Variants in NCS1 observed in about 807,000 individuals in gnomAD.
The protein encoded by NCS1 is neuronal calcium sensor 1.
A neutral mutation model predicts 28.4 loss-of-function variants in NCS1; 6 were observed. That is an observed-to-expected ratio of 0.21 (90% CI 0.12 to 0.42). The LOEUF (loss-of-function observed/expected upper bound fraction) is 0.42. Among genes scored for constraint, NCS1 ranks in the 10% least tolerant of loss-of-function variants. The pLI is 1.00. For synonymous variants in NCS1, 86 were observed against 99.3 expected (o/e 0.87, Z 0.79); for missense variants, 131 against 241.4 (o/e 0.54, Z 3.03).
intron 1 of NCS1, among the ~76,000 whole-genome samples, chr9:130,194,761 T>C (rs781956823): frequency 6.6e-6 from 1 of 152,072 alleles, no homozygotes; most frequent in Non-Finnish European, 1.5e-5. Context: ...TTTTAAATCC[T>C]GGTTTTGGTA....
At chr9:130,198,949 C>G (rs1282684773) in intron 1 of NCS1, among the ~76,000 whole-genome samples, 1 of 152,184 alleles carries the variant, frequency 6.6e-6, no homozygotes, top group African/African-American at 2.4e-5. Context: ...GACACCTTCC[C>G]TCTCCACCCC....
chr9:130,200,084 C>T (rs76721543), intron 1 of NCS1, among the ~76,000 whole-genome samples: 1 of 152,226 alleles, frequency 6.6e-6, no homozygotes, highest in African/African-American at 2.4e-5. Context: ...TGAGTGAGTC[C>T]CCACAACAGG....
rs12238545 is a variant in NCS1, at chr9:130,198,316, G to A, written c.65-2642G>A. Reference sequence around the variant, plus strand: ...TGGGGGAAGGCTGCTGGGAGACATGGGTGGGGGGTGTCAAGGGAGAGTGGG... The same window carrying A: ...TGGGGGAAGGCTGCTGGGAGACATGAGTGGGGGGTGTCAAGGGAGAGTGGG... On this transcript the variant is annotated intron_variant, in intron 1 of 7. Coordinates refer to ENST00000372398, the MANE Select transcript of NCS1 (RefSeq NM_014286.4). Among the ~76,000 whole-genome samples, 237 of 152,294 alleles carry A rather than the reference G, an allele frequency of 1.6e-3. 5 individuals are homozygous for A. In the East Asian group the frequency reaches 0.038, roughly 24 times the overall value.
intron 7 of NCS1, among the ~76,000 whole-genome samples, chr9:130,228,466 C>A (rs1203056097): frequency 6.6e-6 from 1 of 151,978 alleles, no homozygotes; most frequent in Non-Finnish European, 1.5e-5. Flanking sequence ...TCAAGTGATC[C>A]TCCTACCTCG....
In NCS1 at chr9:130,219,894, C is replaced by T. The variant is rs1255151637; in HGVS notation, c.307+91C>T. 7.6e-7 allele frequency: 1 copy of T among 1,319,422 alleles called. No homozygotes were observed. The highest frequency in any genetic ancestry group is 1.4e-5 in the African/African-American group (1 of 69,156). 81.7% of individuals were successfully genotyped at this position (1,319,422 alleles called of 1,614,324 possible). On this transcript the variant is annotated intron_variant, in intron 4 of 7. Coordinates refer to ENST00000372398, the MANE Select transcript of NCS1 (RefSeq NM_014286.4). This position sits in a 1 kb window ranked among gnomAD's most constrained non-coding sequence, Gnocchi z 5.7. ...CTCGGCCCTCACCAGGCAGGGGTGC[C>T]AGACACCCACTGCAGTGACCACAGA...
intron 1 of NCS1, among the ~76,000 whole-genome samples, chr9:130,174,214 G>C (rs1832530854): frequency 6.6e-6 from 1 of 152,222 alleles, no homozygotes; most frequent in Non-Finnish European, 1.5e-5. Flanking sequence ...GGGGGAGGGT[G>C]AGGACACCGT....
intron 1 of NCS1, among the ~76,000 whole-genome samples, chr9:130,176,427 C>G (rs1832572861): frequency 1.3e-5 from 2 of 152,188 alleles, no homozygotes; most frequent in African/African-American, 4.8e-5. Context: ...AACTCTTGGC[C>G]TCAAGCAATC....
In NCS1 at chr9:130,181,700, G is replaced by C. The variant is rs1386580597; in HGVS notation, c.64+8973G>C. ...GAGGTGCCAGGGAGCCGCCATGGAG[G>C]TGTGCAGGTGAGCGTGAGCGGGCCC... On this transcript the variant is annotated intron_variant, in intron 1 of 7. Transcript: ENST00000372398. The surrounding 1 kb of genome is among the most constrained non-coding windows in gnomAD (Gnocchi z 5.0). Among the ~76,000 whole-genome samples, 2 of 152,180 alleles carry C rather than the reference G, an allele frequency of 1.3e-5. No homozygotes were observed. The highest frequency in any genetic ancestry group is 2.9e-5 in the Non-Finnish European group (2 of 68,016).
intron 2 of NCS1, among the ~76,000 whole-genome samples, chr9:130,208,302 G>A (rs1223025802): frequency 6.6e-6 from 1 of 151,148 alleles, no homozygotes; most frequent in Non-Finnish European, 1.5e-5. Flanking sequence ...TTTTTTTTGA[G>A]ACAGTCTCGC....
chr9:130,213,958 G>A (rs1197220434), intron 2 of NCS1, among the ~76,000 whole-genome samples: 4 of 152,222 alleles, frequency 2.6e-5, no homozygotes, highest in Non-Finnish European at 5.9e-5. Context: ...GTTCCATGGG[G>A]CTCAGGAAGA....
chr9:130,226,675 G>C lies in NCS1; in HGVS notation c.*17+171G>C, dbSNP rs1021218951. 1.3e-5 allele frequency among the ~76,000 whole-genome samples: 2 copies of C among 152,126 alleles called. No homozygotes were observed. Among genetic ancestry groups the C allele is most frequent in the African/African-American group, 4.8e-5 (2 of 41,434 alleles). ...GGCTGGAAGGGGGGCCTTCAAATTG[G>C]TCAGAGCTCCTCTGTTTTGATCATT... On this transcript the variant is annotated intron_variant, in intron 7 of 7. Transcript: ENST00000372398. The surrounding 1 kb of genome is among the most constrained non-coding windows in gnomAD (Gnocchi z 4.8).
At position 130,175,724 on chromosome 9, in the gene NCS1, G is replaced by C. The variant is rs782551791; in HGVS notation, c.64+2997G>C. Among the ~76,000 whole-genome samples the C allele has an allele frequency of 6.6e-6, 1 of 152,234 alleles. No individual in the cohort carries two copies. Among genetic ancestry groups the C allele is most frequent in the Non-Finnish European group, 1.5e-5 (1 of 68,046 alleles). ...AGGAGTGTCTAAAGGCCCCAGCAGT[G>C]TGGCCCTCACTGGACACACTGGGAT... On this transcript the variant is annotated intron_variant, in intron 1 of 7. Transcript: ENST00000372398. This position sits in a 1 kb window ranked among gnomAD's most constrained non-coding sequence, Gnocchi z 4.9.
In NCS1 at chr9:130,223,613, C is replaced by T. The variant is rs1320232657; in HGVS notation, c.474+454C>T. 3.3e-5 allele frequency among the ~76,000 whole-genome samples: 5 copies of T among 152,192 alleles called. 1 individual carries two copies. Among genetic ancestry groups the T allele is most frequent in the South Asian group, 4.2e-4 (2 of 4,812 alleles). On this transcript the variant is annotated intron_variant, in intron 6 of 7. Transcript: ENST00000372398. ...ATGTAGTGGTGGGTCCAGCAACCCC[C>T]GAAATTGCGAGCTGTAATATCTGCA...
intron 4 of NCS1, among the ~76,000 whole-genome samples, chr9:130,221,451 G>GAGAGAGAGAGAGAGAGAGAA (rs1194707277): frequency 7.2e-6 from 1 of 138,120 alleles, no homozygotes; most frequent in African/African-American, 2.7e-5. Context: ...GAGAGAGAGA[G>GAGAGAGAGAGAGAGAGAGAA]AAAGAGAGAG....
chr9:130,206,763 G>A (rs7357753), intron 2 of NCS1, among the ~76,000 whole-genome samples: 3,345 of 152,074 alleles, frequency 0.022, 128 homozygotes, highest in African/African-American at 0.076. Flanking sequence ...GACTCCACCC[G>A]TGCCTGCCTC....
Position 130,174,429 on chromosome 9 carries a change from AG to A in NCS1, c.64+1706del, listed in dbSNP as rs554462855. 2.6e-3 allele frequency among the ~76,000 whole-genome samples: 402 copies of A among 152,288 alleles called. 4 individuals carry two copies. Among genetic ancestry groups the A allele is most frequent in the African/African-American group, 9.2e-3 (381 of 41,558 alleles). On this transcript the variant is annotated intron_variant, in intron 1 of 7. Transcript: ENST00000372398. ...TACAGATGGGGAAACTAAGGCTCAG[AG>A]GGGCAAAGTGGCATTCCCATGATCC...
chr9:130,200,591 G>T, intron 1 of NCS1: 2 of 1,551,776 alleles, frequency 1.3e-6, no homozygotes, highest in Non-Finnish European at 1.7e-6. Flanking sequence ...CCCGTCCCCA[G>T]GGATTGAGAG....
At chr9:130,176,621 C>T (rs1187779277) in intron 1 of NCS1, among the ~76,000 whole-genome samples, 1 of 152,236 alleles carries the variant, frequency 6.6e-6, no homozygotes, top group Non-Finnish European at 1.5e-5. Flanking sequence ...GCCTGGCACA[C>T]AGAAGGTGAC....
chr9:130,182,327 G>A (rs1554905209), intron 1 of NCS1, among the ~76,000 whole-genome samples: 1 of 152,182 alleles, frequency 6.6e-6, no homozygotes, highest in African/African-American at 2.4e-5. Flanking sequence ...GTCTCTGTGA[G>A]CCTCAAAACC....
Sources: allele counts gnomAD v4.1 joint callset (sites outside exome capture counted in the v4.1 genomes callset), GRCh38; gene constraint gnomAD v4.1.1; non-coding constraint Gnocchi (gnomAD v3.1); transcripts MANE v1.5; gene names NCBI Gene and HGNC (gene_info 2026-07-23, HGNC 2026-07-21).